The following MITF variants were observed in gnomAD, a reference collection of about 807,000 sequenced individuals.
MITF encodes melanocyte inducing transcription factor.
MITF carries 17 observed loss-of-function variants against 60.5 expected under a neutral mutation model. The ratio of observed to expected loss-of-function variants is 0.28; its 90% CI spans 0.19 to 0.42. MITF has a LOEUF of 0.42. MITF is among the 10% of genes least tolerant of loss of function. The probability of loss-of-function intolerance (pLI) is 1.00; values close to 1 mark genes in which losing one functional copy is unlikely to be tolerated. For missense variants in MITF, 622 were observed against 683.5 expected, an observed-to-expected ratio of 0.91 and a Z score of 1.00; for synonymous variants, 260 against 248.5, an observed-to-expected ratio of 1.05 and a Z score of -0.43.
chr3:69,788,453 CTA>C (rs2062687558), intron 1 of MITF, among the ~76,000 whole-genome samples: 1 of 151,994 alleles, frequency 6.6e-6, no homozygotes, highest in African/African-American at 2.4e-5. Context: ...TTTGAGTATG[CTA>C]TATACCTAAT....
Position 69,964,869 on chromosome 3 carries a change from C to T in MITF, c.1202C>T (p.Ala401Val), listed in dbSNP as rs1553706163. Residue 401 changes from alanine to valine, a missense_variant, in exon 10 of 10, where the codon GCT becomes GTT. Coordinates refer to ENST00000352241, the MANE Select transcript of MITF (RefSeq NM_001354604.2). The part of the protein sequence containing the change: ...RIQELEMQAR[A>V]HGLSLIPSTG... ...TAGGAACTTGAAATGCAGGCTCGAG[C>T]TCATGGACTTTCCCTTATTCCATCC... The T allele has an allele frequency of 6.2e-7, 1 of 1,614,086 alleles. No individual in the cohort carries two copies. The highest frequency in any genetic ancestry group is 8.5e-7 in the Non-Finnish European group (1 of 1,180,002).
At chr3:69,950,901 T>C (rs1283567702) in intron 6 of MITF, among the ~76,000 whole-genome samples, 3 of 152,106 alleles carry the variant, frequency 2.0e-5, no homozygotes, top group Non-Finnish European at 4.4e-5. Flanking sequence ...AGCTTTCCAA[T>C]TGCAGTTGCC....
At chr3:69,788,384 T>C (rs113374742) in intron 1 of MITF, among the ~76,000 whole-genome samples, 28,536 of 149,812 alleles carry the variant, frequency 0.19, 3,212 homozygotes, top group East Asian at 0.48. Flanking sequence ...GAACATGCGG[T>C]GTTTGGTTTT....
intron 1 of MITF, among the ~76,000 whole-genome samples, chr3:69,746,476 A>G (rs1290268025): frequency 6.6e-6 from 1 of 152,144 alleles, no homozygotes; most frequent in Non-Finnish European, 1.5e-5. Context: ...TCTTTTTGTC[A>G]TCTTTCAAGG....
At chr3:69,828,474 A>T in intron 1 of MITF, among the ~76,000 whole-genome samples, 1 of 152,146 alleles carries the variant, frequency 6.6e-6, no homozygotes, top group African/African-American at 2.4e-5. Flanking sequence ...AATAAAGGAA[A>T]CCACTTGTTA....
At chr3:69,758,787 C>G (rs1268822751) in intron 1 of MITF, 1 of 208,152 alleles carries the variant, frequency 4.8e-6, no homozygotes, top group African/African-American at 2.3e-5. Flanking sequence ...TTGCTAAACC[C>G]TTTCAGGAAA....
intron 1 of MITF, among the ~76,000 whole-genome samples, chr3:69,750,836 G>A (rs1376521497): frequency 6.6e-6 from 1 of 152,132 alleles, no homozygotes. Context: ...GTGATAGAAA[G>A]CATTGCATAG....
chr3:69,812,083 T>TAGTAGATG lies in MITF; in HGVS notation c.105-67045_105-67044insTGAGTAGA, dbSNP rs201103434. Among the ~76,000 whole-genome samples, 56 of 152,206 alleles carry TAGTAGATG rather than the reference T, an allele frequency of 3.7e-4. 2 individuals are homozygous for TAGTAGATG. In the East Asian group the frequency reaches 6.8e-3, roughly 18 times the overall value. ...AGATGCTTTGAGTAGAACATTAGAT[T>TAGTAGATG]AGTAGAAACTTTTCAGTAACCAGTG... On this transcript the variant is annotated intron_variant, in intron 1 of 9. Transcript: ENST00000352241.
chr3:69,928,715 A>C (rs867201189), intron 2 of MITF, among the ~76,000 whole-genome samples: 73 of 152,262 alleles, frequency 4.8e-4, no homozygotes, highest in African/African-American at 1.7e-3. Context: ...GAAAACTCCC[A>C]ATTTTTCATC....
intron 2 of MITF, among the ~76,000 whole-genome samples, chr3:69,922,100 T>C (rs777223880): frequency 2.6e-5 from 4 of 152,188 alleles, no homozygotes; most frequent in Admixed American, 6.5e-5. Context: ...TCTCCCTGTT[T>C]CCCCCACCTA....
intron 2 of MITF, among the ~76,000 whole-genome samples, chr3:69,889,025 G>GTTTTTTTTTTTTTTT (rs4057977): frequency 5.1e-5 from 3 of 58,808 alleles, no homozygotes; most frequent in Non-Finnish European, 9.7e-5. Context: ...ATAGCCTTTG[G>GTTTTTTTTTTTTTTT]TTTTTTTTTT....
At position 69,841,834 on chromosome 3, in the gene MITF, G is replaced by T. The variant is rs190593169; in HGVS notation, c.105-37300G>T. On this transcript the variant is annotated intron_variant, in intron 1 of 9. Transcript: ENST00000352241. ...AATTGTGCACAGGGCAGGGATAGTG[G>T]TGTTATATGTACGAAGAAAAAAGAC... 1.1e-4 allele frequency among the ~76,000 whole-genome samples: 16 copies of T among 152,226 alleles called. No homozygotes were observed. In the East Asian group the frequency reaches 3.1e-3, roughly 29 times the overall value.
intron 1 of MITF, among the ~76,000 whole-genome samples, chr3:69,754,290 T>C (rs961910447): frequency 6.6e-6 from 1 of 151,890 alleles, no homozygotes; most frequent in Non-Finnish European, 1.5e-5. Context: ...GATCTAGGCT[T>C]ACTGCAACCT....
chr3:69,927,998 C>T (rs2065632816), intron 2 of MITF, among the ~76,000 whole-genome samples: 3 of 152,166 alleles, frequency 2.0e-5, no homozygotes. Flanking sequence ...TTGGGGCCGT[C>T]GGGTCCATTA....
At chr3:69,927,355 ACCGGAGC>A (rs2065616873) in intron 2 of MITF, among the ~76,000 whole-genome samples, 1 of 152,000 alleles carries the variant, frequency 6.6e-6, no homozygotes, top group South Asian at 2.1e-4. Flanking sequence ...AACATCACAC[ACCGGAGC>A]CTGTTGAGGG....
intron 1 of MITF, among the ~76,000 whole-genome samples, chr3:69,745,301 A>G (rs1016617244): frequency 1.3e-5 from 2 of 152,136 alleles, no homozygotes; most frequent in African/African-American, 2.4e-5. Context: ...AGTCTGTACT[A>G]TGCCTGGTTG....
intron 2 of MITF, among the ~76,000 whole-genome samples, chr3:69,885,433 G>A (rs1469888316): frequency 6.6e-6 from 1 of 152,032 alleles, no homozygotes; most frequent in African/African-American, 2.4e-5. Flanking sequence ...TGGAAGTGAG[G>A]GCTAAAAACT....
intron 1 of MITF, among the ~76,000 whole-genome samples, chr3:69,824,947 C>T (rs1031600152): frequency 6.6e-6 from 1 of 152,232 alleles, no homozygotes; most frequent in Non-Finnish European, 1.5e-5. Context: ...TAAAGGCTCT[C>T]CCTTGGGCCC....
At chr3:69,925,815 A>G (rs976238751) in intron 2 of MITF, among the ~76,000 whole-genome samples, 3 of 152,152 alleles carry the variant, frequency 2.0e-5, no homozygotes, top group African/African-American at 7.2e-5. Context: ...CTGGCTTCTC[A>G]TCATTGAGGT....
Sources: allele counts gnomAD v4.1 joint callset (sites outside exome capture counted in the v4.1 genomes callset), GRCh38; gene constraint gnomAD v4.1.1; transcripts MANE v1.5; gene names NCBI Gene and HGNC (gene_info 2026-07-23, HGNC 2026-07-21).